Variants in SLC8A3 observed in about 807,000 individuals in gnomAD.
SLC8A3 encodes solute carrier family 8 member A3.
A neutral mutation model predicts 65.4 loss-of-function variants in SLC8A3; 37 were observed. The observed-to-expected ratio is 0.57, with a 90% CI of 0.44 to 0.74. The LOEUF (loss-of-function observed/expected upper bound fraction) is 0.74. SLC8A3 is among the 30% of genes least tolerant of loss of function. The pLI is 0.00. For missense variants in SLC8A3, 1,112 were observed against 1,172.1 expected (o/e 0.95, Z 0.75); for synonymous variants, 461 against 444.5 (o/e 1.04, Z -0.47).
At chr14:70,057,140 A>G (rs1594900285) in intron 3 of SLC8A3, among the ~76,000 whole-genome samples, 1 of 152,300 alleles carries the variant, frequency 6.6e-6, no homozygotes, top group East Asian at 1.9e-4. Flanking sequence ...TCCTATATTC[A>G]CAGCCACTGA....
At chr14:70,180,619 T>G (rs929716832) in intron 1 of SLC8A3, among the ~76,000 whole-genome samples, 1 of 152,190 alleles carries the variant, frequency 6.6e-6, no homozygotes, top group Non-Finnish European at 1.5e-5. Context: ...TTGGGGTAGG[T>G]GGAGCATCTA....
At chr14:70,131,339 G>A (rs1894818846) in intron 2 of SLC8A3, among the ~76,000 whole-genome samples, 1 of 152,196 alleles carries the variant, frequency 6.6e-6, no homozygotes, top group Admixed American at 6.5e-5. Flanking sequence ...GGGAGGCAGA[G>A]TATGGAGCCT....
At chr14:70,089,585 T>C (rs1034372877) in intron 2 of SLC8A3, among the ~76,000 whole-genome samples, 5 of 152,168 alleles carry the variant, frequency 3.3e-5, no homozygotes, top group African/African-American at 1.2e-4. Flanking sequence ...AAGTTGGGCA[T>C]GCTGACTTGG....
At chr14:70,095,491 A>C (rs1413546483) in intron 2 of SLC8A3, among the ~76,000 whole-genome samples, 3 of 152,218 alleles carry the variant, frequency 2.0e-5, no homozygotes, top group Non-Finnish European at 4.4e-5. Context: ...TTGAATTGTC[A>C]CTTGGACCAC....
intron 2 of SLC8A3, among the ~76,000 whole-genome samples, chr14:70,071,540 G>A (rs922814722): frequency 2.5e-4 from 38 of 152,256 alleles, no homozygotes; most frequent in African/African-American, 8.9e-4. Flanking sequence ...GCAAGGAAAC[G>A]GGGACCTCCA....
At chr14:70,130,599 G>A (rs1245157214) in intron 2 of SLC8A3, among the ~76,000 whole-genome samples, 1 of 152,190 alleles carries the variant, frequency 6.6e-6, no homozygotes, top group Non-Finnish European at 1.5e-5. Context: ...ACTCCACTGG[G>A]AATCCCCAGG....
chr14:70,120,718 C>T (rs1893998339), intron 2 of SLC8A3, among the ~76,000 whole-genome samples: 1 of 152,186 alleles, frequency 6.6e-6, no homozygotes, highest in Admixed American at 6.5e-5. Context: ...CCTTAGCTTC[C>T]TTATCTGTAA....
intron 1 of SLC8A3, among the ~76,000 whole-genome samples, chr14:70,177,100 A>G (rs1897955412): frequency 6.6e-6 from 1 of 152,256 alleles, no homozygotes; most frequent in Non-Finnish European, 1.5e-5. Flanking sequence ...CAAAAAAGTT[A>G]TAAGTTCCAA....
intron 2 of SLC8A3, among the ~76,000 whole-genome samples, chr14:70,143,153 T>A (rs929096944): frequency 2.6e-5 from 4 of 152,202 alleles, no homozygotes; most frequent in African/African-American, 9.7e-5. Context: ...GACTTGGTGG[T>A]ATAAAATTCC....
intron 1 of SLC8A3, among the ~76,000 whole-genome samples, chr14:70,170,381 G>C (rs1266653913): frequency 1.3e-5 from 2 of 152,052 alleles, no homozygotes; most frequent in East Asian, 1.9e-4. Context: ...TTGAAATGAG[G>C]GTTTCTTCTT....
At chr14:70,118,880 T>C (rs538434930) in intron 2 of SLC8A3, among the ~76,000 whole-genome samples, 3 of 152,172 alleles carry the variant, frequency 2.0e-5, no homozygotes, top group Non-Finnish European at 4.4e-5. Flanking sequence ...CAGTGAAATA[T>C]AGCTTTGCTG....
chr14:70,079,507 A>C (rs2139990142), intron 2 of SLC8A3, among the ~76,000 whole-genome samples: 1 of 152,194 alleles, frequency 6.6e-6, no homozygotes. Flanking sequence ...CATCTAAAAA[A>C]AAAATCTATT....
At chr14:70,116,391 G>A (rs1893667223) in intron 2 of SLC8A3, among the ~76,000 whole-genome samples, 1 of 151,990 alleles carries the variant, frequency 6.6e-6, no homozygotes, top group African/African-American at 2.4e-5. Flanking sequence ...GGTGGAACGG[G>A]AAGGATCTGT....
chr14:70,117,082 A>C (rs1299513547), intron 2 of SLC8A3, among the ~76,000 whole-genome samples: 14 of 152,232 alleles, frequency 9.2e-5, no homozygotes, highest in Non-Finnish European at 8.8e-5. Flanking sequence ...GATTCAGCCT[A>C]CTTCCAGTTC....
intron 1 of SLC8A3, among the ~76,000 whole-genome samples, chr14:70,181,942 GA>G (rs1424900183): frequency 2.0e-5 from 3 of 152,142 alleles, no homozygotes; most frequent in African/African-American, 7.2e-5. Flanking sequence ...GATTAAATGG[GA>G]AAATCAACGT....
chr14:70,119,315 G>A (rs1252054996), intron 2 of SLC8A3, among the ~76,000 whole-genome samples: 1 of 152,112 alleles, frequency 6.6e-6, no homozygotes, highest in Admixed American at 6.5e-5. Flanking sequence ...TTCTTTGTTG[G>A]GTAAATGGAA....
intron 2 of SLC8A3, among the ~76,000 whole-genome samples, chr14:70,156,935 C>T (rs1896608089): frequency 6.6e-6 from 1 of 152,206 alleles, no homozygotes; most frequent in East Asian, 1.9e-4. Flanking sequence ...AGATTATCTT[C>T]TGACGCTAGT....
intron 2 of SLC8A3, among the ~76,000 whole-genome samples, chr14:70,121,822 A>T (rs574890102): frequency 6.7e-6 from 1 of 150,290 alleles, no homozygotes; most frequent in South Asian, 2.1e-4. Context: ...AAAATTTTAC[A>T]TTTTTTTTTC....
intron 1 of SLC8A3, among the ~76,000 whole-genome samples, chr14:70,170,542 G>A (rs1897460997): frequency 1.3e-5 from 2 of 152,172 alleles, no homozygotes; most frequent in South Asian, 4.1e-4. Context: ...AATAAATGTA[G>A]TCACCAATGA....
Sources: allele counts gnomAD v4.1 joint callset (sites outside exome capture counted in the v4.1 genomes callset), GRCh38; gene constraint gnomAD v4.1.1; transcripts MANE v1.5; gene names NCBI Gene and HGNC (gene_info 2026-07-23, HGNC 2026-07-21).